OR2L13: variants seen among roughly 807,000 people sequenced by gnomAD.
OR2L13 encodes the protein olfactory receptor family 2 subfamily L member 13.
A neutral mutation model predicts 15.3 loss-of-function variants in OR2L13; 14 were observed. The observed-to-expected ratio is 0.91, with a 90% CI of 0.60 to 1.43. OR2L13 has a LOEUF of 1.43. OR2L13 is among the 40% of genes most tolerant of loss of function. The probability of loss-of-function intolerance (pLI) is 0.00; values close to 1 mark genes in which losing one functional copy is unlikely to be tolerated. For synonymous variants in OR2L13, 152 were observed against 142.9 expected (o/e 1.06, Z -0.45); for missense variants, 367 against 387.9 (o/e 0.95, Z 0.45).
At chr1:248,050,671 G>A in the OR2L13 span, among the ~76,000 whole-genome samples, 2 of 152,084 alleles carry the variant, frequency 1.3e-5, no homozygotes, top group African/African-American at 4.8e-5. Context: ...GTCATAGAGA[G>A]TCCTATGTAA....
the OR2L13 span, among the ~76,000 whole-genome samples, chr1:247,951,799 C>T: frequency 6.6e-6 from 1 of 152,170 alleles, no homozygotes; most frequent in African/African-American, 2.4e-5. Flanking sequence ...ATCCCATCAG[C>T]AGTCACTTGC....
At chr1:248,022,266 G>T in the OR2L13 span, 1 of 1,614,088 alleles carries the variant, frequency 6.2e-7, no homozygotes, top group Non-Finnish European at 8.5e-7. Context: ...CATGACTTTT[G>T]CAGGTGCAGA....
the OR2L13 span, among the ~76,000 whole-genome samples, chr1:247,938,486 G>T: frequency 6.6e-6 from 1 of 152,156 alleles, no homozygotes; most frequent in African/African-American, 2.4e-5. Flanking sequence ...GGATGATATA[G>T]AAGTTTAGAA....
At chr1:248,060,966 G>C in the OR2L13 span, 3 of 1,614,002 alleles carry the variant, frequency 1.9e-6, no homozygotes, top group Non-Finnish European at 2.5e-6. Flanking sequence ...CCTTCACTGG[G>C]TGTGGGATTC....
chr1:247,990,533 A>T, the OR2L13 span: 1 of 1,570,080 alleles, frequency 6.4e-7, no homozygotes, highest in Non-Finnish European at 8.8e-7. Context: ...TATGGAAACA[A>T]GTCTATCTCC....
the OR2L13 span, among the ~76,000 whole-genome samples, chr1:248,047,428 G>A: frequency 4.2e-4 from 64 of 152,192 alleles, 1 homozygote; most frequent in East Asian, 8.7e-3. Flanking sequence ...TAAAGTAAAG[G>A]TACAACGAGA....
chr1:248,099,954 C>G, exon 3 of OR2L13: 13 of 1,614,016 alleles, frequency 8.1e-6, no homozygotes, highest in Non-Finnish European at 1.1e-5. Flanking sequence ...ATACTTGGGT[C>G]TATGAATATA....
the OR2L13 span, among the ~76,000 whole-genome samples, chr1:248,088,887 A>AT: frequency 6.1e-3 from 914 of 150,840 alleles, 13 homozygotes; most frequent in African/African-American, 0.02. Flanking sequence ...AAAATAATGA[A>AT]TTTTTTTTTT....
the OR2L13 span, among the ~76,000 whole-genome samples, chr1:248,011,172 G>C: frequency 3.9e-5 from 6 of 152,082 alleles, no homozygotes; most frequent in Non-Finnish European, 7.4e-5. Flanking sequence ...CTTAGCATTT[G>C]CTTGTCTGTA....
the OR2L13 span, chr1:248,084,569 A>C: frequency 1.2e-6 from 2 of 1,610,850 alleles, no homozygotes; most frequent in Non-Finnish European, 8.5e-7. Context: ...AGGAGAATAA[A>C]GTCTGGGGTA....
the OR2L13 span, chr1:247,948,899 G>A: frequency 6.2e-7 from 1 of 1,612,778 alleles, no homozygotes; most frequent in Non-Finnish European, 8.5e-7. Flanking sequence ...TCATCTTATT[G>A]GGGCTGTTTC....
chr1:248,084,162 G>A, the OR2L13 span: 1 of 1,611,476 alleles, frequency 6.2e-7, no homozygotes, highest in Non-Finnish European at 8.5e-7. Context: ...GAGCCAGGAC[G>A]ACATGGTCAT....
chr1:248,020,117 T>C, the OR2L13 span, among the ~76,000 whole-genome samples: 1 of 152,166 alleles, frequency 6.6e-6, no homozygotes, highest in Non-Finnish European at 1.5e-5. Context: ...TGTCTGGCTT[T>C]ATACCAATGC....
chr1:248,041,356 A>G, the OR2L13 span: 3 of 152,180 alleles, frequency 2.0e-5, no homozygotes, highest in East Asian at 1.9e-4. Flanking sequence ...ACAAAAATCA[A>G]TTCAAGATGG....
chr1:248,061,490 A>G, the OR2L13 span: 1 of 1,613,822 alleles, frequency 6.2e-7, no homozygotes, highest in Non-Finnish European at 8.5e-7. Flanking sequence ...CCAACAGAGG[A>G]CAAGGTTCTG....
At chr1:247,983,784 A>G in the OR2L13 span, among the ~76,000 whole-genome samples, 14 of 152,238 alleles carry the variant, frequency 9.2e-5, no homozygotes, top group Non-Finnish European at 1.5e-5. Context: ...GCAAAGTCCA[A>G]TTAACGAGAA....
the OR2L13 span, among the ~76,000 whole-genome samples, chr1:248,088,665 A>G: frequency 3.9e-4 from 59 of 152,174 alleles, no homozygotes; most frequent in Non-Finnish European, 1.9e-4. Context: ...CTAAAACAAG[A>G]TAAGGGCAGG....
chr1:248,079,760 T>C, the OR2L13 span, among the ~76,000 whole-genome samples: 6 of 152,174 alleles, frequency 3.9e-5, no homozygotes, highest in Non-Finnish European at 5.9e-5. Flanking sequence ...AAAAACTAAT[T>C]GGAAAAGAAT....
chr1:248,033,742 C>G, the OR2L13 span, among the ~76,000 whole-genome samples: 313 of 152,022 alleles, frequency 2.1e-3, 4 homozygotes, highest in Non-Finnish European at 3.7e-3. Flanking sequence ...GGCACCTGTC[C>G]TCTCTTTTCT....
Sources: gnomAD v4.1 joint callset for allele counts (sites outside exome capture counted in the v4.1 genomes callset) on GRCh38, gnomAD v4.1.1 for gene constraint, MANE v1.5 for transcripts, NCBI Gene and HGNC (gene_info 2026-07-23, HGNC 2026-07-21) for gene names.